Variants in CNTN5 observed in about 807,000 individuals in gnomAD.
CNTN5 encodes the protein contactin-5.
Under a neutral mutation model 129.1 loss-of-function variants are expected in CNTN5, and 77 were observed. The ratio of observed to expected loss-of-function variants is 0.60; its 90% CI spans 0.50 to 0.72. The LOEUF (loss-of-function observed/expected upper bound fraction) is 0.72. CNTN5 is among the 30% of genes least tolerant of loss of function. The pLI, the probability that CNTN5 is intolerant of heterozygous loss-of-function variation, is 0.00. For missense variants in CNTN5, 1,478 were observed against 1,328.8 expected, an observed-to-expected ratio of 1.11 and a Z score of -1.75; for synonymous variants, 509 against 465.6, an observed-to-expected ratio of 1.09 and a Z score of -1.20.
chr11:99,768,273 G>T (rs951925498), intron 3 of CNTN5, among the ~76,000 whole-genome samples: 4 of 152,170 alleles, frequency 2.6e-5, no homozygotes, highest in African/African-American at 9.6e-5. Flanking sequence ...GGATGTATAT[G>T]TACACAAATA....
chr11:99,463,009 G>T (rs1288003430), intron 2 of CNTN5, among the ~76,000 whole-genome samples: 2 of 151,930 alleles, frequency 1.3e-5, no homozygotes, highest in African/African-American at 4.8e-5. Flanking sequence ...TTGGAAGGCT[G>T]AGGCAGGAGA....
At chr11:99,429,007 T>A (rs1213938101) in intron 2 of CNTN5, among the ~76,000 whole-genome samples, 1 of 152,168 alleles carries the variant, frequency 6.6e-6, no homozygotes, top group Non-Finnish European at 1.5e-5. Context: ...AGCATTAAAA[T>A]CTTCATGCCA....
rs551973713 is a variant in CNTN5, at chr11:99,924,866, G to T, written c.673+8717G>T. On this transcript the variant is annotated intron_variant, in intron 7 of 24. Coordinates refer to ENST00000524871, the MANE Select transcript of CNTN5 (RefSeq NM_014361.4). ...GTTGTTTTTGGTGATTAATGAATCTGTTCATTCAAACAGAATTTGAAGAAG... is the reference window on the plus strand; with the variant it reads ...GTTGTTTTTGGTGATTAATGAATCTTTTCATTCAAACAGAATTTGAAGAAG... Among the ~76,000 whole-genome samples the T allele has an allele frequency of 2.6e-5, 4 of 152,126 alleles. No homozygotes were observed. In the East Asian group the frequency reaches 5.8e-4, roughly 22 times the overall value.
chr11:100,015,835 A>T (rs1182066913), intron 9 of CNTN5, among the ~76,000 whole-genome samples: 1 of 152,060 alleles, frequency 6.6e-6, no homozygotes, highest in Non-Finnish European at 1.5e-5. Flanking sequence ...CCTTTAGATT[A>T]TTCAATAGGA....
At chr11:99,267,296 GT>G (rs1050997652) in intron 1 of CNTN5, among the ~76,000 whole-genome samples, 5 of 152,020 alleles carry the variant, frequency 3.3e-5, no homozygotes, top group East Asian at 1.9e-4. Context: ...GAGTTTGTTA[GT>G]TTTTTTAAGA....
chr11:99,479,719 T>C (rs2135306972), intron 2 of CNTN5, among the ~76,000 whole-genome samples: 1 of 152,214 alleles, frequency 6.6e-6, no homozygotes, highest in Middle Eastern at 3.4e-3. Context: ...TAAATATGTG[T>C]AATAATACTC....
intron 1 of CNTN5, among the ~76,000 whole-genome samples, chr11:99,099,632 G>A (rs1353001231): frequency 6.6e-6 from 1 of 151,864 alleles, no homozygotes; most frequent in Non-Finnish European, 1.5e-5. Context: ...CTGGTATTGT[G>A]TTCATTGCCC....
At chr11:99,990,212 T>C (rs1019031626) in intron 8 of CNTN5, among the ~76,000 whole-genome samples, 1 of 152,128 alleles carries the variant, frequency 6.6e-6, no homozygotes, top group Admixed American at 6.6e-5. Flanking sequence ...AAGACATGAA[T>C]ATATTTCTCT....
At position 100,341,158 on chromosome 11, in the gene CNTN5, G is replaced by A. The variant is rs1448625131; in HGVS notation, c.2983G>A (p.Glu995Lys). Residue 995 changes from glutamate to lysine, a missense_variant, in exon 23 of 25, where the codon GAA (glutamate) becomes AAA (lysine). Coordinates refer to ENST00000524871, the MANE Select transcript of CNTN5 (RefSeq NM_014361.4). Reference protein sequence around the residue: ...QQGSQVSLGWEPVIPLANESE... With the variant: ...QQGSQVSLGWKPVIPLANESE... ...AGGCTCTCAGGTTTCTCTGGGCTGG[G>A]AACCCGTCATACCATTAGCCAACGA... is the stretch of plus-strand genomic sequence containing the variant. 5 of 1,613,860 alleles carry A rather than the reference G, an allele frequency of 3.1e-6. No individual in the cohort carries two copies. Among genetic ancestry groups the A allele is most frequent in the Non-Finnish European group, 4.2e-6 (5 of 1,179,794 alleles).
intron 1 of CNTN5, among the ~76,000 whole-genome samples, chr11:99,247,431 T>A (rs1861867425): frequency 6.6e-6 from 1 of 151,882 alleles, no homozygotes; most frequent in Admixed American, 6.6e-5. Context: ...TATACAGCCT[T>A]TGTAAGCCCT....
intron 2 of CNTN5, among the ~76,000 whole-genome samples, chr11:99,469,732 A>T (rs989092029): frequency 1.3e-5 from 2 of 152,008 alleles, no homozygotes; most frequent in African/African-American, 4.8e-5. Context: ...TATAATACTG[A>T]TAAATTTTTA....
intron 8 of CNTN5, among the ~76,000 whole-genome samples, chr11:99,972,568 C>G (rs1951293285): frequency 6.6e-6 from 1 of 151,470 alleles, no homozygotes; most frequent in South Asian, 2.1e-4. Context: ...TCAGGTCTTC[C>G]CAGAACCACA....
chr11:99,036,005 T>G (rs1906205), intron 1 of CNTN5, among the ~76,000 whole-genome samples: 11,274 of 151,502 alleles, frequency 0.074, 618 homozygotes, highest in East Asian at 0.22. Context: ...GTCTGTAAAG[T>G]ATTTTATTTC....
In CNTN5 at chr11:99,737,764, T is replaced by C. The variant is rs60451561; in HGVS notation, c.56-81780T>C. Among the ~76,000 whole-genome samples the C allele has an allele frequency of 3.4e-3, 523 of 152,304 alleles. 4 individuals carry two copies. Among genetic ancestry groups the C allele is most frequent in the African/African-American group, 0.012 (497 of 41,568 alleles). On this transcript the variant is annotated intron_variant, in intron 3 of 24. Coordinates refer to ENST00000524871, the MANE Select transcript of CNTN5 (RefSeq NM_014361.4). Reference sequence around the variant, plus strand: ...ATCCTTGAATTCAAAAACTATTTCCTGAGTCCCTAATGTAGATTTGTTACT... The same window carrying C: ...ATCCTTGAATTCAAAAACTATTTCCCGAGTCCCTAATGTAGATTTGTTACT...
chr11:99,828,400 G>T (rs1359895584), intron 4 of CNTN5, among the ~76,000 whole-genome samples: 1 of 152,154 alleles, frequency 6.6e-6, no homozygotes, highest in African/African-American at 2.4e-5. Context: ...CTAGAATCTG[G>T]TGGGGACATT....
At chr11:100,340,387 AAG>A in intron 21 of CNTN5, 74 bp from the exon 22 acceptor site, 1 of 1,098,220 alleles carries the variant, frequency 9.1e-7, no homozygotes, top group Non-Finnish European at 1.3e-6. Flanking sequence ...ACATCCAAAA[AAG>A]AGAAAAAGTT....
At chr11:99,974,550 G>A (rs543846455) in intron 8 of CNTN5, among the ~76,000 whole-genome samples, 1 of 152,246 alleles carries the variant, frequency 6.6e-6, no homozygotes, top group East Asian at 1.9e-4. Flanking sequence ...TGGAATAAAT[G>A]TCATGAAGGA....
intron 19 of CNTN5, among the ~76,000 whole-genome samples, chr11:100,298,927 CTT>C (rs1407382688): frequency 2.0e-5 from 3 of 151,236 alleles, no homozygotes; most frequent in African/African-American, 7.3e-5. Flanking sequence ...TTTCAATTCT[CTT>C]GAGAGTTTTT....
chr11:100,153,548 T>G (rs1169328819), intron 13 of CNTN5, among the ~76,000 whole-genome samples: 1 of 152,100 alleles, frequency 6.6e-6, no homozygotes, highest in Non-Finnish European at 1.5e-5. Flanking sequence ...AAGAAAAAGA[T>G]TTCCAAACTC....
Sources: gnomAD v4.1 joint callset for allele counts (sites outside exome capture counted in the v4.1 genomes callset) on GRCh38, gnomAD v4.1.1 for gene constraint, MANE v1.5 for transcripts, NCBI Gene and HGNC (gene_info 2026-07-23, HGNC 2026-07-21) for gene names.